Variants in AHRR observed in about 807,000 individuals in gnomAD.
AHRR encodes aryl hydrocarbon receptor repressor, also known as ahR repressor.
AHRR carries 28 observed loss-of-function variants against 44.0 expected under a neutral mutation model. That is an observed-to-expected ratio of 0.64 (90% CI 0.47 to 0.87). AHRR has a LOEUF of 0.87. AHRR is among the 40% of genes least tolerant of loss of function. The probability of loss-of-function intolerance (pLI) is 0.00; values close to 1 mark genes in which losing one functional copy is unlikely to be tolerated. For synonymous variants in AHRR, 434 were observed against 407.0 expected (o/e 1.07, Z -0.80); for missense variants, 990 against 953.9 (o/e 1.04, Z -0.50).
At chr5:360,953 C>CA (rs752167845) in intron 3 of AHRR, among the ~76,000 whole-genome samples, 5 of 152,086 alleles carry the variant, frequency 3.3e-5, no homozygotes, top group South Asian at 4.1e-4. Flanking sequence ...ATCCACATTG[C>CA]AAAAAATGAG....
rs1178191371 is a variant in AHRR at position 404,464 on chromosome 5, G to A, written c.352-8880G>A. ...CACTGTGCTGGTGCTGTCGTGCACG[G>A]TGTGTTCACCAAAACATCTAACGCA... On this transcript the variant is annotated intron_variant, in intron 4 of 10. Transcript: ENST00000684583. The surrounding 1 kb of genome is among the most constrained non-coding windows in gnomAD (Gnocchi z 4.1). 2 of 502,542 alleles carry A rather than the reference G, an allele frequency of 4.0e-6. No homozygotes were observed. The highest frequency in any genetic ancestry group is 1.5e-5 in the South Asian group (1 of 65,106). The allele number at this position is 502,542 out of a possible 1,614,324, so 31.1% of individuals were successfully genotyped here. A position where few individuals can be genotyped will look rare whatever the true frequency, so the allele number is the denominator to read the frequency against.
At chr5:350,943 G>T (rs1425654724) in intron 2 of AHRR, among the ~76,000 whole-genome samples, 2 of 151,604 alleles carry the variant, frequency 1.3e-5, no homozygotes, top group East Asian at 1.9e-4. Context: ...CTGGGCAAAA[G>T]ACTTGAATAG....
chr5:414,125 T>C (rs1469207510), intron 5 of AHRR, among the ~76,000 whole-genome samples: 1 of 152,046 alleles, frequency 6.6e-6, no homozygotes, highest in Non-Finnish European at 1.5e-5. Context: ...TAGCTGGGTG[T>C]GGTGGCGTGC....
chr5:390,143 G>T lies in AHRR; in HGVS notation c.351+13427G>T, dbSNP rs554529129. 3.9e-5 allele frequency among the ~76,000 whole-genome samples: 6 copies of T among 152,224 alleles called. 1 individual carries two copies. Among genetic ancestry groups the T allele is most frequent in the African/African-American group, 1.4e-4 (6 of 41,548 alleles). ...AGAGGCCCGGCATCTGTGGCACAAC[G>T]CGGGGACTGCAGTCAACGGTAACTT... is the stretch of plus-strand genomic sequence containing the variant. On this transcript the variant is annotated intron_variant, in intron 4 of 10. Coordinates refer to ENST00000684583, the MANE Select transcript of AHRR (RefSeq NM_001377236.1).
chr5:394,978 G>A (rs1032045973), intron 4 of AHRR, among the ~76,000 whole-genome samples: 1 of 152,204 alleles, frequency 6.6e-6, no homozygotes, highest in East Asian at 1.9e-4. Flanking sequence ...TGCCCCTCAG[G>A]CCCCGGCCCC....
intron 4 of AHRR, among the ~76,000 whole-genome samples, chr5:394,989 A>G (rs1734637109): frequency 6.6e-6 from 1 of 152,156 alleles, no homozygotes; most frequent in Non-Finnish European, 1.5e-5. Context: ...CCCCGGCCCC[A>G]GCCTCCTGCT....
intron 5 of AHRR, among the ~76,000 whole-genome samples, chr5:415,731 C>CCGAATCTGCCTGGTCGGG (rs1579689950): frequency 1.3e-5 from 2 of 152,110 alleles, no homozygotes; most frequent in Admixed American, 6.5e-5. Context: ...GGCCTAGGGG[C>CCGAATCTGCCTGGTCGGG]TGTGCAGAGC....
At chr5:381,788 A>G (rs1402830245) in intron 4 of AHRR, among the ~76,000 whole-genome samples, 1 of 152,140 alleles carries the variant, frequency 6.6e-6, no homozygotes, top group East Asian at 1.9e-4. Flanking sequence ...TGCTGGGATT[A>G]CAGGCGTGAG....
chr5:348,956 C>G (rs1019098023), intron 2 of AHRR, among the ~76,000 whole-genome samples: 19 of 152,210 alleles, frequency 1.2e-4, no homozygotes, highest in African/African-American at 4.3e-4. Flanking sequence ...ATCCCAGTTT[C>G]TCTGCATCCC....
rs189324633 is a variant in AHRR at position 356,270 on chromosome 5, G to A, written c.244+2359G>A. ...AGAGAGCTCTCTGCCCTCCTGCTGCGGGGCATGGAGGGGAGCTGGGCCCCT... is the reference window on the plus strand; with the variant it reads ...AGAGAGCTCTCTGCCCTCCTGCTGCAGGGCATGGAGGGGAGCTGGGCCCCT... On this transcript the variant is annotated intron_variant, in intron 3 of 10. Coordinates refer to ENST00000684583, the MANE Select transcript of AHRR (RefSeq NM_001377236.1). Among the ~76,000 whole-genome samples, 810 of 152,278 alleles carry A rather than the reference G, an allele frequency of 5.3e-3. 8 individuals carry two copies. The highest frequency in any genetic ancestry group is 0.037 in the South Asian group (179 of 4,822).
intron 4 of AHRR, among the ~76,000 whole-genome samples, chr5:409,218 T>G (rs1426588794): frequency 6.6e-6 from 1 of 152,268 alleles, no homozygotes; most frequent in Non-Finnish European, 1.5e-5. Flanking sequence ...TTCTGCAATT[T>G]GTTTATCCAT....
At chr5:413,803 C>T (rs1560914699) in intron 5 of AHRR, among the ~76,000 whole-genome samples, 1 of 152,228 alleles carries the variant, frequency 6.6e-6, no homozygotes, top group African/African-American at 2.4e-5. Context: ...GCACTCAGGA[C>T]ACAGCTTGTT....
chr5:385,324 A>G (rs1734136643), intron 4 of AHRR, among the ~76,000 whole-genome samples: 2 of 152,086 alleles, frequency 1.3e-5, no homozygotes, highest in Non-Finnish European at 2.9e-5. Context: ...ACAGGTGCAC[A>G]CCACCATGCT....
Position 381,345 on chromosome 5 carries a change from T to C in AHRR, c.351+4629T>C, listed in dbSNP as rs1474912649. ...TCTGAGAATAGAGTTGGTTTTATAT[T>C]TACTTTTTCAATCTATGTGCCTCAT... On this transcript the variant is annotated intron_variant, in intron 4 of 10. Coordinates refer to ENST00000684583, the MANE Select transcript of AHRR (RefSeq NM_001377236.1). Among the ~76,000 whole-genome samples, 6 of 152,286 alleles carry C rather than the reference T, an allele frequency of 3.9e-5. No homozygotes were observed. In the East Asian group the frequency reaches 1.2e-3, roughly 29 times the overall value.
chr5:433,540 C>T lies in AHRR; in HGVS notation c.1113-313C>T, dbSNP rs531940924. Reference sequence around the variant, plus strand: ...TTGCACCGCCCTTCCCCACCCCTAACGCTAGTGACTGGTGTGGCTGACACT... The same window carrying T: ...TTGCACCGCCCTTCCCCACCCCTAATGCTAGTGACTGGTGTGGCTGACACT... On this transcript the variant is annotated intron_variant, in intron 10 of 10. Coordinates refer to ENST00000684583, the MANE Select transcript of AHRR (RefSeq NM_001377236.1). 2.6e-4 allele frequency among the ~76,000 whole-genome samples: 39 copies of T among 152,338 alleles called. 1 individual carries two copies. The South Asian group carries it at 8.1e-3, about 32-fold the overall frequency.
intron 3 of AHRR, among the ~76,000 whole-genome samples, chr5:360,126 T>A (rs1743124922): frequency 6.6e-6 from 1 of 151,074 alleles, no homozygotes. Context: ...ACTTCATAAG[T>A]GGGGGTGGGG....
intron 4 of AHRR, among the ~76,000 whole-genome samples, chr5:386,920 G>A (rs1260453998): frequency 6.6e-6 from 1 of 152,228 alleles, no homozygotes; most frequent in Non-Finnish European, 1.5e-5. Flanking sequence ...TGAGGCTCTG[G>A]GTCCTGAGGC....
intron 4 of AHRR, among the ~76,000 whole-genome samples, chr5:377,381 G>A (rs552254739): frequency 3.9e-4 from 59 of 152,320 alleles, no homozygotes; most frequent in Non-Finnish European, 7.9e-4. Flanking sequence ...ACCAGTGGCT[G>A]GAGAGACATG....
At chr5:393,666 C>G (rs1186043791) in intron 4 of AHRR, among the ~76,000 whole-genome samples, 1 of 151,920 alleles carries the variant, frequency 6.6e-6, no homozygotes, top group African/African-American at 2.4e-5. Context: ...GAGACAGAGT[C>G]TCACTCTGTT....
Sources: gnomAD v4.1 joint callset for allele counts (sites outside exome capture counted in the v4.1 genomes callset) on GRCh38, gnomAD v4.1.1 for gene constraint, Gnocchi (gnomAD v3.1) non-coding constraint, MANE v1.5 for transcripts, NCBI Gene and HGNC (gene_info 2026-07-23, HGNC 2026-07-21) for gene names.